Variants in COL18A1 observed in about 807,000 individuals in gnomAD.
COL18A1 encodes the protein collagen type XVIII alpha 1 chain, also known as collagen alpha-1(XVIII) chain.
Under a neutral mutation model 168.0 loss-of-function variants are expected in COL18A1, and 133 were observed. That is an observed-to-expected ratio of 0.79 (90% CI 0.69 to 0.91). The LOEUF (loss-of-function observed/expected upper bound fraction) is 0.91. Ranked by LOEUF, COL18A1 falls within the 40% of genes least tolerant of loss-of-function variation. COL18A1 has a pLI of 0.00. For synonymous variants in COL18A1, 949 were observed against 809.0 expected (o/e 1.17, Z -2.94); for missense variants, 2,126 against 1,925.4 (o/e 1.10, Z -1.95).
At chr21:45,462,058 T>G (rs935493629) in intron 2 of COL18A1, among the ~76,000 whole-genome samples, 1 of 152,222 alleles carries the variant, frequency 6.6e-6, no homozygotes, top group African/African-American at 2.4e-5. Context: ...TTAACAGTTT[T>G]TTTTTTCTTT....
chr21:45,462,789 A>G (rs1234038111), intron 2 of COL18A1, among the ~76,000 whole-genome samples: 1 of 152,166 alleles, frequency 6.6e-6, no homozygotes, highest in South Asian at 2.1e-4. Context: ...TGAATGTGCT[A>G]TATTTTCTTA....
In COL18A1 at chr21:45,437,358, G is replaced by GCGCA. The variant is rs1555972420; in HGVS notation, c.107-30883_107-30882insGCAC. Among the ~76,000 whole-genome samples the GCGCA allele has an allele frequency of 8.2e-4, 13 of 15,900 alleles. 1 individual carries two copies. Among genetic ancestry groups the GCGCA allele is most frequent in the Admixed American group, 2.2e-3 (3 of 1,382 alleles). 10.4% of individuals were successfully genotyped at this position (15,900 alleles called of 152,430 possible). A position where few individuals can be genotyped will look rare whatever the true frequency, so the allele number is the denominator to read the frequency against. The stretch of plus-strand genomic sequence containing the variant: ...CTCAGACACACAGGCACTCTCCTGC[G>GCGCA]CACACACACACACTCAGACACACAG... On this transcript the variant is annotated intron_variant, in intron 2 of 41. Coordinates refer to ENST00000651438, the MANE Select transcript of COL18A1 (RefSeq NM_001379500.1).
intron 17 of COL18A1, among the ~76,000 whole-genome samples, chr21:45,488,101 C>T (rs1227183310): frequency 3.3e-5 from 5 of 152,226 alleles, no homozygotes; most frequent in African/African-American, 9.6e-5. Context: ...CCCGGGGCCA[C>T]AGCCCTGCCC....
chr21:45,461,715 C>T (rs1247669652), intron 2 of COL18A1, among the ~76,000 whole-genome samples: 1 of 152,226 alleles, frequency 6.6e-6, no homozygotes, highest in Non-Finnish European at 1.5e-5. Flanking sequence ...TTAGATCCCA[C>T]ATGTGAGATC....
intron 5 of COL18A1, 128 bp from the exon 6 acceptor site, chr21:45,476,223 C>T (rs1166929006): frequency 2.9e-5 from 41 of 1,397,544 alleles, no homozygotes; most frequent in Non-Finnish European, 3.6e-5. Flanking sequence ...CCCTGGAGCA[C>T]CCTCCTGTTT....
At chr21:45,447,187 G>T (rs2034521052) in intron 2 of COL18A1, among the ~76,000 whole-genome samples, 1 of 150,814 alleles carries the variant, frequency 6.6e-6, no homozygotes, top group South Asian at 2.1e-4. Context: ...ATTTTTAGAG[G>T]CCAGATCTTA....
intron 33 of COL18A1, 29 bp from the exon 34 acceptor site, chr21:45,504,387 T>C: frequency 6.2e-7 from 1 of 1,605,430 alleles, no homozygotes; most frequent in Non-Finnish European, 8.5e-7. Context: ...GGTTCAGGGC[T>C]CCCGTGTAAC....
chr21:45,437,138 CCACA>C (rs1166403694), intron 2 of COL18A1, among the ~76,000 whole-genome samples: 21 of 109,908 alleles, frequency 1.9e-4, no homozygotes, highest in Admixed American at 6.0e-4. Flanking sequence ...CAGGCACTCT[CCACA>C]CACACTCACA....
rs760329850 is a variant in COL18A1 at position 45,504,468 on chromosome 21, C to T, written c.2780C>T (p.Pro927Leu). 1.9e-6 allele frequency: 3 copies of T among 1,609,458 alleles called. No individual in the cohort carries two copies. In the East Asian group the frequency reaches 6.7e-5, roughly 36 times the overall value. The change falls in exon 34 of 42, where the codon CCC becomes CTC. Residue 927 changes from proline to leucine, a missense_variant. Pro to Leu is a moderately conservative substitution (Grantham distance 98, BLOSUM62 -3). Coordinates refer to ENST00000651438, the MANE Select transcript of COL18A1 (RefSeq NM_001379500.1). The part of the protein sequence containing the change: ...DAGQKGERGE[P>L]GGGGFFGSSL... ...GGACAGAAAGGCGAAAGGGGGGAGCCCGGGGGCGGCGGTTTCTTCGGCTCC... is the reference window on the plus strand; with the variant it reads ...GGACAGAAAGGCGAAAGGGGGGAGCTCGGGGGCGGCGGTTTCTTCGGCTCC...
chr21:45,440,946 C>G lies in COL18A1; in HGVS notation c.107-27296C>G, dbSNP rs73909525. ...TCAGCACTTCTAGGACGTTATCGTGCGTGGGAACCACGGGACGCTCACTCA... is the reference window on the plus strand; with the variant it reads ...TCAGCACTTCTAGGACGTTATCGTGGGTGGGAACCACGGGACGCTCACTCA... On this transcript the variant is annotated intron_variant, in intron 2 of 41. Coordinates refer to ENST00000651438, the MANE Select transcript of COL18A1 (RefSeq NM_001379500.1). Among the ~76,000 whole-genome samples, 825 of 152,308 alleles carry G rather than the reference C, an allele frequency of 5.4e-3. 12 individuals are homozygous for G. Among genetic ancestry groups the G allele is most frequent in the African/African-American group, 0.019 (799 of 41,570 alleles).
intron 2 of COL18A1, among the ~76,000 whole-genome samples, chr21:45,438,077 A>ACAG (rs2034240063): frequency 4.4e-5 from 2 of 45,906 alleles, no homozygotes; most frequent in Non-Finnish European, 3.9e-5. Flanking sequence ...CACTCAGACA[A>ACAG]GCACTCTCCT....
At chr21:45,437,486 TCACACTCA>T (rs1365505311) in intron 2 of COL18A1, among the ~76,000 whole-genome samples, 1 of 11,412 alleles carries the variant, frequency 8.8e-5, no homozygotes, top group African/African-American at 4.6e-4. Flanking sequence ...CTGCACACAC[TCACACTCA>T]CACACAGGCA....
In COL18A1 at chr21:45,473,847, A is replaced by G. The variant is rs1428259541; in HGVS notation, c.652-48A>G. 1 of 1,493,894 alleles carries G rather than the reference A, an allele frequency of 6.7e-7. No individual in the cohort carries two copies. The highest frequency in any genetic ancestry group is 9.1e-7 in the Non-Finnish European group (1 of 1,093,820). 92.5% of individuals were successfully genotyped at this position (1,493,894 alleles called of 1,614,324 possible). On this transcript the variant is annotated intron_variant, in intron 3 of 41. Coordinates refer to ENST00000651438, the MANE Select transcript of COL18A1 (RefSeq NM_001379500.1). This position sits in a 1 kb window ranked among gnomAD's most constrained non-coding sequence, Gnocchi z 4.0. Reference sequence around the variant, plus strand: ...GAGCTCAAGCAGCACCGGGGTTGCCACTGCCACCTCAGGACCGCTGGTGAC... The same window carrying G: ...GAGCTCAAGCAGCACCGGGGTTGCCGCTGCCACCTCAGGACCGCTGGTGAC...
At chr21:45,496,674 C>A in intron 30 of COL18A1, 106 bp downstream of exon 30, 1 of 763,820 alleles carries the variant, frequency 1.3e-6, no homozygotes. Flanking sequence ...GTCTGGGGGT[C>A]CTTCTAGGAT....
chr21:45,437,109 A>ACACACT (rs1569287113), intron 2 of COL18A1, among the ~76,000 whole-genome samples: 2 of 102,240 alleles, frequency 2.0e-5, no homozygotes, highest in African/African-American at 5.6e-5. Context: ...TCCTGCACAC[A>ACACACT]CACTCACACA....
chr21:45,505,098 A>T lies in COL18A1; in HGVS notation c.2869-36A>T, dbSNP rs767668010. On this transcript the variant is annotated intron_variant, in intron 34 of 41. Transcript: ENST00000651438. ...TTGCCCGCCCCCAGTCCAGGGCACGAGGTAACCAGGAAGCGTCTCTTGTCG... is the reference window on the plus strand; with the variant it reads ...TTGCCCGCCCCCAGTCCAGGGCACGTGGTAACCAGGAAGCGTCTCTTGTCG... 27 of 1,600,118 alleles carry T rather than the reference A, an allele frequency of 1.7e-5. No homozygotes were observed. The African/African-American group carries it at 2.7e-4, about 16-fold the overall frequency.
chr21:45,510,973 ACACCCCCCAC>A lies in COL18A1; in HGVS notation c.3694-137_3694-128del. ...CACAACACCCCACATACACCCCCAA[ACACCCCCCAC>A]ACCCCACACACACAACACACCCCCC... On this transcript the variant is annotated intron_variant, in intron 40 of 41. Transcript: ENST00000651438. 12 of 14,916 alleles carry A rather than the reference ACACCCCCCAC, an allele frequency of 8.0e-4. 5 individuals carry two copies. Among genetic ancestry groups the A allele is most frequent in the Admixed American group, 2.8e-3 (4 of 1,420 alleles). 0.9% of individuals were successfully genotyped at this position (14,916 alleles called of 1,614,324 possible).
chr21:45,412,237 C>A (rs3082476), intron 2 of COL18A1, among the ~76,000 whole-genome samples: 91 of 52,576 alleles, frequency 1.7e-3, no homozygotes, highest in East Asian at 5.8e-3. Flanking sequence ...GGGTATATTT[C>A]TTTTTTTTTT....
chr21:45,502,207 G>A (rs1291120186), intron 32 of COL18A1, among the ~76,000 whole-genome samples: 1 of 152,322 alleles, frequency 6.6e-6, no homozygotes, highest in Non-Finnish European at 1.5e-5. Flanking sequence ...GGGATGGGGG[G>A]CCCTGGGGGT....
Sources: allele counts gnomAD v4.1 joint callset (sites outside exome capture counted in the v4.1 genomes callset), GRCh38; gene constraint gnomAD v4.1.1; non-coding constraint Gnocchi (gnomAD v3.1); transcripts MANE v1.5; gene names NCBI Gene and HGNC (gene_info 2026-07-23, HGNC 2026-07-21).